Variants in NIN observed in about 807,000 individuals in gnomAD.
NIN encodes ninein.
Under a neutral mutation model 257.6 loss-of-function variants are expected in NIN, and 137 were observed. The ratio of observed to expected loss-of-function variants is 0.53; its 90% CI spans 0.46 to 0.61. The LOEUF is 0.61. Ranked by LOEUF, NIN falls within the 20% of genes least tolerant of loss-of-function variation. NIN has a pLI of 0.00. For missense variants in NIN, 2,439 were observed against 2,501.2 expected, an observed-to-expected ratio of 0.98 and a Z score of 0.53; for synonymous variants, 918 against 919.8, an observed-to-expected ratio of 1.00 and a Z score of 0.04.
Position 50,756,813 on chromosome 14 carries a change from G to A in NIN, c.4217C>T (p.Ala1406Val). 1 of 1,551,650 alleles carries A rather than the reference G, an allele frequency of 6.4e-7. No homozygotes were observed. The highest frequency in any genetic ancestry group is 8.7e-7 in the Non-Finnish European group (1 of 1,146,966). ...GNTQLLEKVK[A>V]HEIAWLHGTI... Reference sequence around the variant, plus strand: ...TCCATGTAACCAGGCAATTTCATGTGCTTTTACTTTTTCCAAGAGCTGTGT... The same window carrying A: ...TCCATGTAACCAGGCAATTTCATGTACTTTTACTTTTTCCAAGAGCTGTGT... Residue 1406 changes from alanine to valine, a missense_variant, in exon 18 of 31, where the codon GCA (alanine) becomes GTA (valine). By Grantham distance (64) the Ala-to-Val change is moderately conservative. This residue lies in a region of NIN where 2,043 missense variants were observed against 2,050.2 expected (regional missense o/e 1.00). Transcript: ENST00000530997.
intron 5 of NIN, among the ~76,000 whole-genome samples, chr14:50,783,356 A>C (rs1460493703): frequency 2.0e-5 from 3 of 152,002 alleles, no homozygotes; most frequent in Non-Finnish European, 1.5e-5. Context: ...GCACCCAGCC[A>C]GTTTAAACAT....
intron 4 of NIN, among the ~76,000 whole-genome samples, chr14:50,802,340 A>G (rs1390998178): frequency 6.6e-6 from 1 of 152,208 alleles, no homozygotes; most frequent in Non-Finnish European, 1.5e-5. Flanking sequence ...AGAATTATAA[A>G]TATCTGAGTT....
At chr14:50,732,872 C>T (rs377604519) in intron 28 of NIN, among the ~76,000 whole-genome samples, 3 of 151,800 alleles carry the variant, frequency 2.0e-5, no homozygotes, top group African/African-American at 7.2e-5. Flanking sequence ...GGACTACAGG[C>T]GCATGCCACG....
At chr14:50,816,087 A>T (rs578162884) in intron 3 of NIN, among the ~76,000 whole-genome samples, 1 of 152,296 alleles carries the variant, frequency 6.6e-6, no homozygotes, top group African/African-American at 2.4e-5. Flanking sequence ...TCAGCAAACT[A>T]AAGCAGGAAC....
intron 3 of NIN, among the ~76,000 whole-genome samples, chr14:50,811,250 AG>A (rs1301381912): frequency 6.6e-6 from 1 of 151,590 alleles, no homozygotes; most frequent in Non-Finnish European, 1.5e-5. Context: ...CTGGGATTAC[AG>A]GCGCCCACCA....
intron 17 of NIN, among the ~76,000 whole-genome samples, chr14:50,759,278 C>T (rs2042169136): frequency 1.3e-5 from 2 of 152,188 alleles, no homozygotes; most frequent in African/African-American, 4.8e-5. Flanking sequence ...TTGGGATAAT[C>T]TTATCCTCCT....
chr14:50,731,459 A>T (rs1049815898), intron 28 of NIN, among the ~76,000 whole-genome samples: 3 of 146,492 alleles, frequency 2.0e-5, no homozygotes, highest in Non-Finnish European at 4.5e-5. Flanking sequence ...TGAACCTGGG[A>T]GGCAGAGATT....
intron 12 of NIN, among the ~76,000 whole-genome samples, chr14:50,769,051 C>T (rs2042619514): frequency 6.6e-6 from 1 of 152,162 alleles, no homozygotes; most frequent in Non-Finnish European, 1.5e-5. Context: ...AGTTAGATGG[C>T]TAGGGAGTAA....
chr14:50,772,120 TA>T, intron 9 of NIN, 180 bp downstream of exon 9: 1 of 535,200 alleles, frequency 1.9e-6, no homozygotes, highest in South Asian at 3.0e-5. Context: ...ACACGGAAAG[TA>T]CTTAACAAAA....
At chr14:50,771,239 A>G in intron 10 of NIN, 93 bp downstream of exon 10, 1 of 1,442,724 alleles carries the variant, frequency 6.9e-7, no homozygotes, top group Non-Finnish European at 9.4e-7. Context: ...ACATTTGCAT[A>G]CAGAATAGAA....
Position 50,805,754 on chromosome 14 carries a change from A to G in NIN, c.265+983T>C, listed in dbSNP as rs547466121. On this transcript the variant is annotated intron_variant, in intron 4 of 30. Transcript: ENST00000530997. ...TAGGGTTTATTGAGGTATAATTTAC[A>G]TAGAGTAAATTTAATCCTTTCATTG... Among the ~76,000 whole-genome samples, 205 of 152,322 alleles carry G rather than the reference A, an allele frequency of 1.3e-3. 6 individuals are homozygous for G. In the South Asian group the frequency reaches 0.041, roughly 31 times the overall value.
intron 22 of NIN, among the ~76,000 whole-genome samples, 173 bp downstream of exon 22, chr14:50,747,819 A>G (rs187986960): frequency 6.6e-6 from 1 of 152,124 alleles, no homozygotes; most frequent in Non-Finnish European, 1.5e-5. Flanking sequence ...GCCTTTACAG[A>G]TAGGATTTTG....
intron 4 of NIN, among the ~76,000 whole-genome samples, chr14:50,802,021 C>T (rs556452944): frequency 6.6e-6 from 1 of 152,196 alleles, no homozygotes; most frequent in Non-Finnish European, 1.5e-5. Context: ...ATGTTGATGC[C>T]ATGTAGCTTG....
At position 50,821,982 on chromosome 14, in the gene NIN, T is replaced by A; in HGVS notation, c.75A>T (p.Thr25=). Reference sequence around the variant, plus strand: ...TGAGTTCCTCCTGCCCCAGGGACCCTGTGCCCGTCGTGTCAAAACTGTCAA... The same window carrying A: ...TGAGTTCCTCCTGCCCCAGGGACCCAGTGCCCGTCGTGTCAAAACTGTCAA... The part of the protein sequence containing the change: ...ELFDSFDTTG[T]GSLGQEELTD... The change falls in exon 3 of 31, where the codon ACA becomes ACT. Residue 25 remains threonine (T), a synonymous_variant. Coordinates refer to ENST00000530997, the MANE Select transcript of NIN (RefSeq NM_020921.4). 4 of 1,614,200 alleles carry A rather than the reference T, an allele frequency of 2.5e-6. No homozygotes were observed. The highest frequency in any genetic ancestry group is 3.4e-6 in the Non-Finnish European group (4 of 1,180,030).
intron 29 of NIN, among the ~76,000 whole-genome samples, chr14:50,729,206 T>A (rs149713989): frequency 5.9e-5 from 9 of 152,106 alleles, no homozygotes; most frequent in Non-Finnish European, 1.0e-4. Flanking sequence ...TATGGATTTG[T>A]CATACAGGTT....
rs2045285739 is a variant in NIN, at chr14:50,822,760, A to G, written c.-21-683T>C. Among the ~76,000 whole-genome samples, 2 of 152,262 alleles carry G rather than the reference A, an allele frequency of 1.3e-5. 1 individual carries two copies. Among genetic ancestry groups the G allele is most frequent in the South Asian group, 4.1e-4 (2 of 4,838 alleles). ...CACGAGTTCCTCAAAAAGCAACTCA[A>G]TTAACTTCACTGGTGCAATTACATG... On this transcript the variant is annotated intron_variant, in intron 2 of 30. Coordinates refer to ENST00000530997, the MANE Select transcript of NIN (RefSeq NM_020921.4).
chr14:50,726,184 G>A lies in NIN; in HGVS notation c.6079-118C>T, dbSNP rs1030358828. ...AATGTTTTGCCTTTGTAACAGGAAG[G>A]ATGGATTTCTCATGAAATGAGAGTT... On this transcript the variant is annotated intron_variant, in intron 29 of 30. Transcript: ENST00000530997. 99 of 740,832 alleles carry A rather than the reference G, an allele frequency of 1.3e-4. No homozygotes were observed. The Middle Eastern group carries it at 2.8e-3, about 21-fold the overall frequency. The allele number at this position is 740,832 out of a possible 1,614,324, so 45.9% of individuals were successfully genotyped here.
chr14:50,748,216 A>C (rs955404090), intron 21 of NIN, 111 bp from the exon 22 acceptor site: 1 of 634,064 alleles, frequency 1.6e-6, no homozygotes, highest in Non-Finnish European at 2.8e-6. Flanking sequence ...ACTCAATGAC[A>C]CTGTTTTATG....
Position 50,772,283 on chromosome 14 carries a change from C to G in NIN, c.981+18G>C. The G allele has an allele frequency of 6.4e-7, 1 of 1,561,288 alleles. No homozygotes were observed. The stretch of plus-strand genomic sequence containing the variant: ...CCCTTCTCCAGTTTGTCATTTTTCT[C>G]AATTTTAGCTGCCACACCTTCAGGA... On this transcript the variant is annotated intron_variant, in intron 9 of 30. Coordinates refer to ENST00000530997, the MANE Select transcript of NIN (RefSeq NM_020921.4).
Sources: allele counts gnomAD v4.1 joint callset (sites outside exome capture counted in the v4.1 genomes callset), GRCh38; gene constraint gnomAD v4.1.1; regional missense constraint gnomAD v4.1.1; transcripts MANE v1.5; gene names NCBI Gene and HGNC (gene_info 2026-07-23, HGNC 2026-07-21).